Variants in SNTB2 observed in about 807,000 individuals in gnomAD.
SNTB2 encodes the protein syntrophin beta 2.
In SNTB2, 34 loss-of-function variants were observed where a neutral mutation model predicts 46.2. That is an observed-to-expected ratio of 0.74 (90% CI 0.56 to 0.98). The LOEUF is 0.98. Among genes scored for constraint, SNTB2 ranks in the 50% least tolerant of loss-of-function variants. The probability of loss-of-function intolerance (pLI) is 0.00; values close to 1 mark genes in which losing one functional copy is unlikely to be tolerated. For missense variants in SNTB2, 603 were observed against 731.4 expected, an observed-to-expected ratio of 0.82 and a Z score of 2.02; for synonymous variants, 290 against 312.6, an observed-to-expected ratio of 0.93 and a Z score of 0.76.
chr16:69,253,101 G>A (rs1322334149), intron 2 of SNTB2, among the ~76,000 whole-genome samples: 2 of 151,098 alleles, frequency 1.3e-5, no homozygotes, highest in Admixed American at 1.3e-4. Context: ...GGGTTTCACT[G>A]TGTTAGCTAG....
At chr16:69,272,314 G>A (rs1292842311) in intron 4 of SNTB2, among the ~76,000 whole-genome samples, 1 of 152,022 alleles carries the variant, frequency 6.6e-6, no homozygotes, top group South Asian at 2.1e-4. Flanking sequence ...ACCGAGGCAG[G>A]CCTATCATCT....
rs192855596 is a variant in SNTB2 at position 69,256,078 on chromosome 16, C to T, written c.795-3972C>T. Reference sequence around the variant, plus strand: ...GCCGGCGCCTGTAGTCCCAGCTACTCGGGAGGCTGAGGCAGGAGAATCGCT... The same window carrying T: ...GCCGGCGCCTGTAGTCCCAGCTACTTGGGAGGCTGAGGCAGGAGAATCGCT... On this transcript the variant is annotated intron_variant, in intron 2 of 6. Transcript: ENST00000336278. 4.1e-5 allele frequency among the ~76,000 whole-genome samples: 6 copies of T among 144,762 alleles called. No homozygotes were observed. The South Asian group carries it at 8.9e-4, about 22-fold the overall frequency. 95.0% of individuals were successfully genotyped at this position (144,762 alleles called of 152,430 possible).
chr16:69,260,024 T>C (rs1183517880), intron 2 of SNTB2, 26 bp from the exon 3 acceptor site: 4 of 729,168 alleles, frequency 5.5e-6, no homozygotes, highest in East Asian at 8.7e-5. Context: ...CCTAGCTCAC[T>C]TTTTTTTTTT....
Position 69,232,164 on chromosome 16 carries a change from G to T in SNTB2, c.581-13438G>T, listed in dbSNP as rs571250778. On this transcript the variant is annotated intron_variant, in intron 1 of 6. Transcript: ENST00000336278. ...AAAATACTGGGGCTTTTTTTTGCCG[G>T]TTTGTATAAATTCATTGTAAAAGGC... is the stretch of plus-strand genomic sequence containing the variant. 1.0e-4 allele frequency among the ~76,000 whole-genome samples: 15 copies of T among 149,962 alleles called. No individual in the cohort carries two copies. In the South Asian group the frequency reaches 3.2e-3, roughly 32 times the overall value.
At chr16:69,281,899 T>TTC (rs1170706036) in intron 4 of SNTB2, among the ~76,000 whole-genome samples, 23 of 140,826 alleles carry the variant, frequency 1.6e-4, no homozygotes, top group African/African-American at 3.3e-4. Flanking sequence ...TCACATTTGT[T>TTC]TCTCTCTTTT....
At chr16:69,248,171 T>G (rs1224349964) in intron 2 of SNTB2, among the ~76,000 whole-genome samples, 1 of 152,212 alleles carries the variant, frequency 6.6e-6, no homozygotes, top group Non-Finnish European at 1.5e-5. Flanking sequence ...TTGAAAATTA[T>G]AATCTGATGT....
At chr16:69,257,169 CAAAA>C (rs35505662) in intron 2 of SNTB2, among the ~76,000 whole-genome samples, 1 of 101,800 alleles carries the variant, frequency 9.8e-6, no homozygotes. Flanking sequence ...GACTCCATCT[CAAAA>C]AAAAAAAAAA....
chr16:69,235,674 A>G, intron 1 of SNTB2: 2 of 1,247,218 alleles, frequency 1.6e-6, no homozygotes, highest in Admixed American at 5.6e-5. Context: ...CCCTGGCACC[A>G]ATATGACAGC....
chr16:69,272,618 G>T (rs974982921), intron 4 of SNTB2, among the ~76,000 whole-genome samples: 1 of 150,856 alleles, frequency 6.6e-6, no homozygotes, highest in African/African-American at 2.4e-5. Flanking sequence ...GGGGCTGGGC[G>T]CAGTGGCTCA....
intron 1 of SNTB2, among the ~76,000 whole-genome samples, chr16:69,229,082 T>G (rs1197152392): frequency 6.6e-6 from 1 of 152,228 alleles, no homozygotes; most frequent in Non-Finnish European, 1.5e-5. Context: ...CAGTATTTAT[T>G]AAAGAGTGAC....
chr16:69,274,141 G>A (rs535120711), intron 4 of SNTB2, among the ~76,000 whole-genome samples: 9 of 151,532 alleles, frequency 5.9e-5, no homozygotes, highest in Admixed American at 4.6e-4. Context: ...GAGAAACCTC[G>A]TCTCTACTAA....
chr16:69,208,990 G>GTGTGTGTGTGTGTGTGTGTGTTTT (rs1488187077), intron 1 of SNTB2, among the ~76,000 whole-genome samples: 10 of 152,100 alleles, frequency 6.6e-5, no homozygotes, highest in African/African-American at 2.2e-4. Context: ...GTGTGTGTGT[G>GTGTGTGTGTGTGTGTGTGTGTTTT]TTTTTGAGAT....
intron 1 of SNTB2, among the ~76,000 whole-genome samples, chr16:69,216,856 G>T (rs899102046): frequency 6.6e-5 from 10 of 152,232 alleles, no homozygotes; most frequent in Admixed American, 1.3e-4. Flanking sequence ...GGCTGGGGTT[G>T]CTGTGCCACT....
intron 2 of SNTB2, 107 bp downstream of exon 2, chr16:69,245,922 G>C (rs1410637236): frequency 8.7e-7 from 1 of 1,147,944 alleles, no homozygotes; most frequent in Non-Finnish European, 1.3e-6. Flanking sequence ...GAAAACATCT[G>C]TCTGAGGTGA....
chr16:69,216,401 G>T lies in SNTB2; in HGVS notation c.580+28655G>T, dbSNP rs1445220443. Among the ~76,000 whole-genome samples the T allele has an allele frequency of 2.0e-5, 3 of 152,030 alleles. No individual in the cohort carries two copies. The East Asian group carries it at 5.8e-4, about 29-fold the overall frequency. On this transcript the variant is annotated intron_variant, in intron 1 of 6. Coordinates refer to ENST00000336278, the MANE Select transcript of SNTB2 (RefSeq NM_006750.4). The stretch of plus-strand genomic sequence containing the variant: ...TTTATATATAAAGAAATTGAAATCA[G>T]GCTGGGCATGGTGGCTCACGCCTAT...
chr16:69,241,106 C>T (rs1003411285), intron 1 of SNTB2, among the ~76,000 whole-genome samples: 6 of 111,430 alleles, frequency 5.4e-5, no homozygotes, highest in Non-Finnish European at 1.0e-4. Flanking sequence ...GTGATCCACT[C>T]GCCTTGGCCT....
chr16:69,220,658 G>A (rs971618978), intron 1 of SNTB2, among the ~76,000 whole-genome samples: 1 of 151,844 alleles, frequency 6.6e-6, no homozygotes, highest in Non-Finnish European at 1.5e-5. Flanking sequence ...CTTCCTAGTA[G>A]CTGGGACTAA....
At chr16:69,295,536 C>G (rs1597204946) in intron 5 of SNTB2, among the ~76,000 whole-genome samples, 1 of 152,078 alleles carries the variant, frequency 6.6e-6, no homozygotes, top group Non-Finnish European at 1.5e-5. Flanking sequence ...GCGTGAGCCA[C>G]CGCGCCCAGC....
chr16:69,283,540 A>G lies in SNTB2; in HGVS notation c.1149-508A>G, dbSNP rs189758351. Among the ~76,000 whole-genome samples, 3 of 152,344 alleles carry G rather than the reference A, an allele frequency of 2.0e-5. No individual in the cohort carries two copies. The East Asian group carries it at 5.8e-4, about 29-fold the overall frequency. On this transcript the variant is annotated intron_variant, in intron 4 of 6. Coordinates refer to ENST00000336278, the MANE Select transcript of SNTB2 (RefSeq NM_006750.4). ...GTGATTGGACAAGAGATTGATGCTA[A>G]AAATATATATATTTTAAGCTCTTTG...
Sources: allele counts gnomAD v4.1 joint callset (sites outside exome capture counted in the v4.1 genomes callset), GRCh38; gene constraint gnomAD v4.1.1; transcripts MANE v1.5; gene names NCBI Gene and HGNC (gene_info 2026-07-23, HGNC 2026-07-21).